DLG2: variants seen among roughly 807,000 people sequenced by gnomAD.
DLG2 encodes disks large homolog 2.
DLG2 carries 45 observed loss-of-function variants against 132.5 expected under a neutral mutation model. The observed-to-expected ratio is 0.34, with a 90% CI of 0.27 to 0.44. The LOEUF (loss-of-function observed/expected upper bound fraction) is 0.44, where lower values mean the gene tolerates loss of function less well. Among genes scored for constraint, DLG2 ranks in the 20% least tolerant of loss-of-function variants. The probability of loss-of-function intolerance (pLI) is 1.00; values close to 1 mark genes in which losing one functional copy is unlikely to be tolerated. For synonymous variants in DLG2, 424 were observed against 419.6 expected (o/e 1.01, Z -0.13); for missense variants, 1,045 against 1,196.9 (o/e 0.87, Z 1.87).
chr11:83,633,340 A>C lies in DLG2; in HGVS notation c.1826-15T>G. On this transcript the variant is annotated splice_polypyrimidine_tract_variant and intron_variant, in intron 18 of 27. Transcript: ENST00000376104. ...TCGAGCGTAATCTGGGAATGAAAAC[A>C]AAGGTAGCAAATTTTGCTCTGTGCC... The C allele has an allele frequency of 6.2e-7, 1 of 1,609,338 alleles. No individual in the cohort carries two copies. Among genetic ancestry groups the C allele is most frequent in the Non-Finnish European group, 8.5e-7 (1 of 1,177,026 alleles).
intron 6 of DLG2, among the ~76,000 whole-genome samples, chr11:84,724,586 C>T (rs775985104): frequency 3.3e-5 from 5 of 152,082 alleles, no homozygotes; most frequent in South Asian, 2.1e-4. Flanking sequence ...AAACCTTTTA[C>T]CAGTATAGCA....
chr11:83,883,559 T>C (rs1443558808), intron 15 of DLG2, among the ~76,000 whole-genome samples: 1 of 152,226 alleles, frequency 6.6e-6, no homozygotes. Context: ...AAAAACTCTT[T>C]GCTTTAAAGC....
At chr11:83,514,010 G>A (rs887554470) in intron 21 of DLG2, among the ~76,000 whole-genome samples, 20 of 152,146 alleles carry the variant, frequency 1.3e-4, no homozygotes, top group African/African-American at 2.9e-4. Context: ...TTGGCAATGC[G>A]GGCTCTTTTT....
intron 3 of DLG2, among the ~76,000 whole-genome samples, chr11:85,470,441 G>A (rs1347404692): frequency 6.6e-6 from 1 of 152,090 alleles, no homozygotes; most frequent in African/African-American, 2.4e-5. Flanking sequence ...TAATATTTTT[G>A]GCCAGGTATT....
chr11:84,084,952 A>G (rs1264306885), intron 10 of DLG2, among the ~76,000 whole-genome samples: 2 of 152,068 alleles, frequency 1.3e-5, no homozygotes, highest in African/African-American at 2.4e-5. Context: ...TCTGAAATTG[A>G]GCTTATTTTT....
intron 7 of DLG2, among the ~76,000 whole-genome samples, chr11:84,505,996 A>T (rs1472490955): frequency 1.3e-5 from 2 of 151,636 alleles, no homozygotes; most frequent in African/African-American, 2.4e-5. Flanking sequence ...GGCTTTGCAG[A>T]TGTGATTAAA....
chr11:84,769,665 A>C (rs928705104), intron 6 of DLG2, among the ~76,000 whole-genome samples: 5 of 152,302 alleles, frequency 3.3e-5, no homozygotes, highest in Non-Finnish European at 7.4e-5. Flanking sequence ...AAACATCACC[A>C]AGGCATACAG....
At chr11:83,803,946 G>A (rs3851171) in intron 17 of DLG2, among the ~76,000 whole-genome samples, 109,158 of 151,984 alleles carry the variant, frequency 0.72, 40,606 homozygotes, top group African/African-American at 0.92. Flanking sequence ...TTTTTTCATC[G>A]TAGTTCCTCA....
At chr11:84,394,575 T>A (rs566430185) in intron 7 of DLG2, among the ~76,000 whole-genome samples, 1 of 152,090 alleles carries the variant, frequency 6.6e-6, no homozygotes, top group Non-Finnish European at 1.5e-5. Context: ...TCTCCTTGAA[T>A]CTCTGTATTT....
intron 24 of DLG2, among the ~76,000 whole-genome samples, chr11:83,469,952 G>T (rs1360197421): frequency 6.6e-6 from 1 of 152,058 alleles, no homozygotes; most frequent in Non-Finnish European, 1.5e-5. Flanking sequence ...CTAAAAATCA[G>T]CAACTCTAAC....
chr11:83,845,166 C>T (rs1444837567), intron 16 of DLG2, among the ~76,000 whole-genome samples: 1 of 152,032 alleles, frequency 6.6e-6, no homozygotes, highest in East Asian at 1.9e-4. Context: ...GCTAGTCTTC[C>T]TGAATCCTTT....
intron 10 of DLG2, among the ~76,000 whole-genome samples, chr11:84,059,789 C>T (rs935310402): frequency 1.5e-4 from 23 of 152,136 alleles, no homozygotes; most frequent in African/African-American, 5.3e-4. Flanking sequence ...TATTTTAAGG[C>T]CTCTGTAAGT....
At chr11:84,345,799 T>A (rs555255565) in intron 7 of DLG2, among the ~76,000 whole-genome samples, 1 of 152,340 alleles carries the variant, frequency 6.6e-6, no homozygotes, top group South Asian at 2.1e-4. Context: ...TAAAGATTTA[T>A]TGGAACATGG....
chr11:84,844,125 GTGTGTGTGTGTA>G (rs1399374206), intron 6 of DLG2, among the ~76,000 whole-genome samples: 969 of 34,264 alleles, frequency 0.028, 3 homozygotes, highest in Middle Eastern at 0.13. Flanking sequence ...GTGTGTGTGT[GTGTGTGTGTGTA>G]TATATATATA....
intron 17 of DLG2, among the ~76,000 whole-genome samples, chr11:83,796,309 G>GA (rs1045877495): frequency 2.6e-5 from 4 of 151,916 alleles, no homozygotes; most frequent in Admixed American, 6.5e-5. Flanking sequence ...ACAAACAAAT[G>GA]AAAAAAACCA....
chr11:84,536,531 C>T (rs1215572619), intron 6 of DLG2, among the ~76,000 whole-genome samples: 2 of 152,200 alleles, frequency 1.3e-5, no homozygotes, highest in Non-Finnish European at 2.9e-5. Context: ...TAATCTGCCT[C>T]AGAAACATGG....
intron 8 of DLG2, among the ~76,000 whole-genome samples, chr11:84,207,023 C>A (rs1403400885): frequency 4.6e-5 from 7 of 151,384 alleles, no homozygotes; most frequent in African/African-American, 1.7e-4. Context: ...AATGCCAATT[C>A]ATCAGCAACA....
At chr11:84,263,148 G>T (rs937764624) in intron 7 of DLG2, among the ~76,000 whole-genome samples, 1 of 152,096 alleles carries the variant, frequency 6.6e-6, no homozygotes, top group Non-Finnish European at 1.5e-5. Flanking sequence ...AATAAAGAGG[G>T]AAATGGCTTC....
At chr11:84,048,045 A>C (rs946923712) in intron 11 of DLG2, among the ~76,000 whole-genome samples, 4 of 151,590 alleles carry the variant, frequency 2.6e-5, no homozygotes, top group Non-Finnish European at 5.9e-5. Flanking sequence ...CATATGTCTT[A>C]TATCCAGAAA....
Sources: gnomAD v4.1 joint callset for allele counts (sites outside exome capture counted in the v4.1 genomes callset) on GRCh38, gnomAD v4.1.1 for gene constraint, MANE v1.5 for transcripts, NCBI Gene and HGNC (gene_info 2026-07-23, HGNC 2026-07-21) for gene names.